The following FRAS1 variants were observed in gnomAD, a reference collection of about 807,000 sequenced individuals.
FRAS1 encodes the protein Fraser extracellular matrix complex subunit 1.
Under a neutral mutation model 435.2 loss-of-function variants are expected in FRAS1, and 290 were observed. The observed-to-expected ratio is 0.67, with a 90% CI of 0.61 to 0.73. The LOEUF (loss-of-function observed/expected upper bound fraction) is 0.73, where lower values mean the gene tolerates loss of function less well. FRAS1 is among the 30% of genes least tolerant of loss of function. The probability of loss-of-function intolerance (pLI) is 0.00; values close to 1 mark genes in which losing one functional copy is unlikely to be tolerated. For synonymous variants in FRAS1, 1,800 were observed against 1,851.0 expected (o/e 0.97, Z 0.71); for missense variants, 4,860 against 5,001.5 (o/e 0.97, Z 0.85).
intron 2 of FRAS1, among the ~76,000 whole-genome samples, chr4:78,155,480 GA>G (rs1226742029): frequency 6.6e-6 from 1 of 152,200 alleles, no homozygotes; most frequent in Non-Finnish European, 1.5e-5. Flanking sequence ...TAAAGGGAGA[GA>G]AACATTACAG....
chr4:78,424,207 G>T (rs556751756), intron 34 of FRAS1, among the ~76,000 whole-genome samples, 181 bp from the exon 35 acceptor site: 1 of 152,254 alleles, frequency 6.6e-6, no homozygotes, highest in South Asian at 2.1e-4. Context: ...TAAAATTAAT[G>T]TTGACACCAT....
intron 2 of FRAS1, among the ~76,000 whole-genome samples, chr4:78,150,201 T>G (rs1163197936): frequency 5.3e-5 from 8 of 152,296 alleles, no homozygotes; most frequent in Non-Finnish European, 1.0e-4. Flanking sequence ...GCCTGCAGAC[T>G]CCCAAAGGAA....
At chr4:78,453,336 A>G (rs576732401) in intron 47 of FRAS1, among the ~76,000 whole-genome samples, 2 of 152,322 alleles carry the variant, frequency 1.3e-5, no homozygotes, top group South Asian at 4.1e-4. Flanking sequence ...AGCAGCAGCC[A>G]TGAGAATAGT....
At position 78,488,892 on chromosome 4, in the gene FRAS1, G is replaced by A; in HGVS notation, c.8770G>A (p.Ala2924Thr). 1 of 1,612,562 alleles carries A rather than the reference G, an allele frequency of 6.2e-7. No homozygotes were observed. The part of the protein sequence containing the change: ...TFQDVPSMQF[A>T]KDLLLVKEKE... Reference sequence around the variant, plus strand: ...CCACCTAGTGCCCAGCATGCAGTTTGCCAAGGATTTGCTCCTAGTGAAGGA... The same window carrying A: ...CCACCTAGTGCCCAGCATGCAGTTTACCAAGGATTTGCTCCTAGTGAAGGA... Residue 2924 changes from alanine to threonine, a missense_variant, in exon 59 of 74, where the codon GCC becomes ACC. By Grantham distance (58) the Ala-to-Thr change is moderately conservative (BLOSUM62 0). Transcript: ENST00000512123.
At chr4:78,479,330 A>G (rs1173095382) in intron 55 of FRAS1, 44 bp from the exon 56 acceptor site, 5 of 1,303,058 alleles carry the variant, frequency 3.8e-6, no homozygotes, top group Non-Finnish European at 5.1e-6. Context: ...AAATCTGAGA[A>G]GCACTCATTC....
In FRAS1 at chr4:78,448,277, C is replaced by A. The variant is rs1718917570; in HGVS notation, c.6235C>A (p.Pro2079Thr). ...CACAGAACTGCCTGCAAGTGACACA[C>A]CTCACTTGGCTATAAACCAAGGCCT... Reference protein sequence around the residue: ...IYTELPASDTPHLAINQGLQL... With the variant: ...IYTELPASDTTHLAINQGLQL... The change falls in exon 44 of 74, where the codon CCT becomes ACT. Residue 2079 changes from proline to threonine, a missense_variant. Coordinates refer to ENST00000512123, the MANE Select transcript of FRAS1 (RefSeq NM_025074.7). The A allele has an allele frequency of 6.2e-7, 1 of 1,611,826 alleles. No individual in the cohort carries two copies. Among genetic ancestry groups the A allele is most frequent in the African/African-American group, 1.3e-5 (1 of 74,856 alleles).
intron 59 of FRAS1, among the ~76,000 whole-genome samples, chr4:78,496,587 T>C (rs140143777): frequency 0.011 from 1,743 of 152,302 alleles, 29 homozygotes; most frequent in African/African-American, 0.04. Context: ...TTAAAAATGG[T>C]TTGGCATATT....
chr4:78,378,420 C>A (rs1731869928), intron 26 of FRAS1, among the ~76,000 whole-genome samples: 1 of 152,056 alleles, frequency 6.6e-6, no homozygotes, highest in Admixed American at 6.5e-5. Flanking sequence ...CAAATGTTTT[C>A]AATTCTCTTG....
At chr4:78,441,026 C>A in intron 40 of FRAS1, 136 bp from the exon 41 acceptor site, 1 of 732,120 alleles carries the variant, frequency 1.4e-6, no homozygotes. Context: ...CTCATCTCGT[C>A]TGTAGATGGT....
At position 78,519,404 on chromosome 4, in the gene FRAS1, C is replaced by T. The variant is rs1721314637; in HGVS notation, c.10463C>T (p.Pro3488Leu). 1 of 1,611,314 alleles carries T rather than the reference C, an allele frequency of 6.2e-7. No homozygotes were observed. Among genetic ancestry groups the T allele is most frequent in the African/African-American group, 1.3e-5 (1 of 74,648 alleles). Residue 3488 changes from proline to leucine, a missense_variant, in exon 67 of 74, where the codon CCC (proline) becomes CTC (leucine). Pro to Leu is a moderately conservative substitution (Grantham distance 98). Coordinates refer to ENST00000512123, the MANE Select transcript of FRAS1 (RefSeq NM_025074.7). ...LYVSYIYVTAPRGWASLEHHT... is the reference protein window; with the variant it reads ...LYVSYIYVTALRGWASLEHHT... ...GTGTCCTACATCTATGTGACAGCCCCCAGGGGCTGGGCCTCCTTGGAGCAC... is the reference window on the plus strand; with the variant it reads ...GTGTCCTACATCTATGTGACAGCCCTCAGGGGCTGGGCCTCCTTGGAGCAC...
At chr4:78,379,461 C>T in intron 26 of FRAS1, 1 of 404,526 alleles carries the variant, frequency 2.5e-6, no homozygotes, top group Non-Finnish European at 4.4e-6. Context: ...GGACCTCCCA[C>T]TGGCAGGCAA....
intron 59 of FRAS1, among the ~76,000 whole-genome samples, chr4:78,490,676 C>A (rs1720321967): frequency 6.6e-6 from 1 of 152,166 alleles, no homozygotes; most frequent in Non-Finnish European, 1.5e-5. Context: ...AAATTTATAG[C>A]ACTAAATGCC....
At chr4:78,362,489 G>C (rs345545) in intron 20 of FRAS1, among the ~76,000 whole-genome samples, 1 of 152,018 alleles carries the variant, frequency 6.6e-6, no homozygotes, top group African/African-American at 2.4e-5. Context: ...ATTGACACAA[G>C]AGCAAGCTCC....
At chr4:78,280,293 A>C (rs1441511230) in intron 10 of FRAS1, among the ~76,000 whole-genome samples, 1 of 152,166 alleles carries the variant, frequency 6.6e-6, no homozygotes, top group East Asian at 1.9e-4. Context: ...AGTGGCTCTG[A>C]TAACCAAGAT....
At chr4:78,118,015 A>G (rs1428185114) in intron 2 of FRAS1, among the ~76,000 whole-genome samples, 1 of 152,118 alleles carries the variant, frequency 6.6e-6, no homozygotes, top group Non-Finnish European at 1.5e-5. Context: ...TTTGGTGTGG[A>G]TGTCCTTTCT....
intron 71 of FRAS1, among the ~76,000 whole-genome samples, chr4:78,535,142 C>T (rs947127430): frequency 3.9e-5 from 6 of 152,286 alleles, no homozygotes; most frequent in African/African-American, 1.2e-4. Context: ...CAGCCTCACC[C>T]GACACCATCT....
intron 49 of FRAS1, among the ~76,000 whole-genome samples, chr4:78,465,730 T>C (rs1436882584): frequency 6.6e-6 from 1 of 152,172 alleles, no homozygotes; most frequent in Non-Finnish European, 1.5e-5. Flanking sequence ...CATTTTGTTT[T>C]AAGTTGGTGG....
chr4:78,435,773 G>A (rs149858173), intron 38 of FRAS1, among the ~76,000 whole-genome samples: 38 of 151,502 alleles, frequency 2.5e-4, no homozygotes, highest in East Asian at 7.7e-4. Flanking sequence ...ATAGCAAGCC[G>A]GAGCAGTGGA....
intron 14 of FRAS1, among the ~76,000 whole-genome samples, chr4:78,296,617 A>G (rs1446902356): frequency 6.6e-6 from 1 of 152,152 alleles, no homozygotes; most frequent in Non-Finnish European, 1.5e-5. Flanking sequence ...GGTTGCAAGG[A>G]AAGAACTGCT....
Sources: allele counts gnomAD v4.1 joint callset (sites outside exome capture counted in the v4.1 genomes callset), GRCh38; gene constraint gnomAD v4.1.1; transcripts MANE v1.5; gene names NCBI Gene and HGNC (gene_info 2026-07-23, HGNC 2026-07-21).